TMEM132D: variants seen among roughly 807,000 people sequenced by gnomAD.
TMEM132D encodes the protein mature OL transmembrane protein.
In TMEM132D, 21 loss-of-function variants were observed where a neutral mutation model predicts 62.3. That is an observed-to-expected ratio of 0.34 (90% confidence interval 0.24 to 0.49). TMEM132D has a LOEUF of 0.49. Among genes scored for constraint, TMEM132D ranks in the 20% least tolerant of loss-of-function variants. The pLI, the probability that TMEM132D is intolerant of heterozygous loss-of-function variation, is 0.99. For synonymous variants in TMEM132D, 621 were observed against 575.6 expected, an observed-to-expected ratio of 1.08 and a Z score of -1.13; for missense variants, 1,346 against 1,402.8, an observed-to-expected ratio of 0.96 and a Z score of 0.65.
intron 1 of TMEM132D, among the ~76,000 whole-genome samples, chr12:129,862,306 C>A (rs1873924196): frequency 6.6e-6 from 1 of 152,200 alleles, no homozygotes; most frequent in Admixed American, 6.5e-5. Context: ...CAGGTGGAAA[C>A]CTCAAACTTC....
chr12:129,275,166 G>A (rs1255309517), intron 4 of TMEM132D, among the ~76,000 whole-genome samples: 3 of 151,974 alleles, frequency 2.0e-5, no homozygotes, highest in African/African-American at 7.3e-5. Flanking sequence ...TGTAACCCCA[G>A]CTAATTGGGA....
rs189959426 is a variant in TMEM132D at position 129,385,669 on chromosome 12, A to C, written c.1116-47852T>G. ...TCTGTGTTCTGACAAGAGAGTAAGG[A>C]GATAAGATTAACTGCTAAAAATGTC... On this transcript the variant is annotated intron_variant, in intron 3 of 8. Transcript: ENST00000422113. Among the ~76,000 whole-genome samples, 272 of 152,346 alleles carry C rather than the reference A, an allele frequency of 1.8e-3. 1 individual carries two copies. The highest frequency in any genetic ancestry group is 6.2e-3 in the African/African-American group (258 of 41,582).
At chr12:129,769,765 T>A (rs1322369178) in intron 1 of TMEM132D, among the ~76,000 whole-genome samples, 1 of 152,172 alleles carries the variant, frequency 6.6e-6, no homozygotes, top group African/African-American at 2.4e-5. Context: ...TTTTTGAATC[T>A]ATTAAGGGGT....
chr12:129,877,415 G>A (rs1413560773), intron 1 of TMEM132D, among the ~76,000 whole-genome samples: 2 of 152,042 alleles, frequency 1.3e-5, no homozygotes, highest in African/African-American at 2.4e-5. Flanking sequence ...AAGGGCCGCT[G>A]GCTAGCAGAA....
At chr12:129,758,157 G>A (rs768723592) in intron 1 of TMEM132D, among the ~76,000 whole-genome samples, 30 of 152,020 alleles carry the variant, frequency 2.0e-4, no homozygotes, top group South Asian at 4.2e-4. Context: ...CTCCTGCCTC[G>A]GCTTCCCAAA....
At chr12:129,178,381 C>T (rs1877967028) in intron 5 of TMEM132D, among the ~76,000 whole-genome samples, 1 of 152,024 alleles carries the variant, frequency 6.6e-6, no homozygotes, top group Non-Finnish European at 1.5e-5. Context: ...AATTTACACT[C>T]CCACCAACAA....
In TMEM132D at chr12:129,140,207, G is replaced by A. The variant is rs563758207; in HGVS notation, c.1444-55505C>T. Among the ~76,000 whole-genome samples the A allele has an allele frequency of 2.5e-4, 23 of 92,100 alleles. No individual in the cohort carries two copies. In the South Asian group the frequency reaches 5.5e-3, roughly 22 times the overall value. The allele number at this position is 92,100 out of a possible 152,430, so 60.4% of individuals were successfully genotyped here. A position where few individuals can be genotyped will look rare whatever the true frequency, so the allele number is the denominator to read the frequency against. The stretch of plus-strand genomic sequence containing the variant: ...AAATTTATCAAGGGAGATTTTAGGC[G>A]CTGTTACCACACACACACACACACA... On this transcript the variant is annotated intron_variant, in intron 5 of 8. Transcript: ENST00000422113.
chr12:129,655,134 A>T (rs1880039469), intron 2 of TMEM132D, among the ~76,000 whole-genome samples: 1 of 151,772 alleles, frequency 6.6e-6, no homozygotes, highest in Non-Finnish European at 1.5e-5. Context: ...TTTTTAGTAG[A>T]GATGGGGTTT....
rs1874102522 is a variant in TMEM132D at position 129,867,721 on chromosome 12, C to T, written c.79+35540G>A. On this transcript the variant is annotated intron_variant, in intron 1 of 8. Coordinates refer to ENST00000422113, the MANE Select transcript of TMEM132D (RefSeq NM_133448.3). The surrounding 1 kb of genome is among the most constrained non-coding windows in gnomAD (Gnocchi z 4.5). Reference sequence around the variant, plus strand: ...ACATACAGCAAATCATCAAATTGTACATCTTCAATAGATACAATTTTTGTC... The same window carrying T: ...ACATACAGCAAATCATCAAATTGTATATCTTCAATAGATACAATTTTTGTC... 6.6e-6 allele frequency among the ~76,000 whole-genome samples: 1 copy of T among 152,196 alleles called. No homozygotes were observed. The highest frequency in any genetic ancestry group is 2.4e-5 in the African/African-American group (1 of 41,448).
chr12:129,868,573 A>G (rs183170993), intron 1 of TMEM132D, among the ~76,000 whole-genome samples: 14 of 152,214 alleles, frequency 9.2e-5, no homozygotes, highest in Admixed American at 3.3e-4. Context: ...CATCTGCACA[A>G]TTTCATGCAG....
At chr12:129,720,999 G>A (rs7962736) in intron 1 of TMEM132D, among the ~76,000 whole-genome samples, 1 of 152,026 alleles carries the variant, frequency 6.6e-6, no homozygotes, top group African/African-American at 2.4e-5. Context: ...CACTGCAGGG[G>A]AAGATGGGGC....
chr12:129,344,890 G>A (rs953681591), intron 3 of TMEM132D, among the ~76,000 whole-genome samples: 15 of 152,014 alleles, frequency 9.9e-5, no homozygotes, highest in African/African-American at 3.6e-4. Context: ...TGCTGATTGA[G>A]ATTTGGTATT....
intron 4 of TMEM132D, among the ~76,000 whole-genome samples, chr12:129,276,617 G>A (rs1369602247): frequency 6.6e-6 from 1 of 152,184 alleles, no homozygotes; most frequent in Non-Finnish European, 1.5e-5. Flanking sequence ...CTTCATGGAG[G>A]TGGCTTTTTG....
Position 129,398,129 on chromosome 12 carries a change from C to T in TMEM132D, c.1116-60312G>A, listed in dbSNP as rs118075065. 2.8e-4 allele frequency among the ~76,000 whole-genome samples: 43 copies of T among 152,340 alleles called. 1 individual carries two copies. In the East Asian group the frequency reaches 6.0e-3, roughly 21 times the overall value. On this transcript the variant is annotated intron_variant, in intron 3 of 8. Coordinates refer to ENST00000422113, the MANE Select transcript of TMEM132D (RefSeq NM_133448.3). Reference sequence around the variant, plus strand: ...ACGTTTGTGGGCAAACTGATATAAACTCTGCCCACCTCTGACACTTTTGGC... The same window carrying T: ...ACGTTTGTGGGCAAACTGATATAAATTCTGCCCACCTCTGACACTTTTGGC...
intron 3 of TMEM132D, among the ~76,000 whole-genome samples, chr12:129,464,787 T>C (rs902823876): frequency 3.4e-4 from 51 of 152,186 alleles, no homozygotes; most frequent in African/African-American, 1.1e-3. Flanking sequence ...GTTGTAGATA[T>C]GCGGCGTTAT....
intron 3 of TMEM132D, among the ~76,000 whole-genome samples, chr12:129,357,246 C>CA (rs751595186): frequency 0.2 from 18,484 of 90,830 alleles, 1,528 homozygotes; most frequent in Non-Finnish European, 0.26. Context: ...GACCGTGTCT[C>CA]AAAAAAAAAA....
intron 3 of TMEM132D, among the ~76,000 whole-genome samples, chr12:129,346,679 A>G (rs542683449): frequency 6.6e-6 from 1 of 152,328 alleles, no homozygotes; most frequent in East Asian, 1.9e-4. Flanking sequence ...CACCACTCCT[A>G]TTCAACACAG....
chr12:129,826,222 C>A (rs1872660277), intron 1 of TMEM132D, among the ~76,000 whole-genome samples: 1 of 152,186 alleles, frequency 6.6e-6, no homozygotes, highest in Admixed American at 6.5e-5. Flanking sequence ...GGCCAGGATA[C>A]AGCCTCCATC....
Position 129,749,551 on chromosome 12 carries a change from C to G in TMEM132D, c.80-48853G>C, listed in dbSNP as rs932058239. Among the ~76,000 whole-genome samples, 3 of 151,356 alleles carry G rather than the reference C, an allele frequency of 2.0e-5. No individual in the cohort carries two copies. In the East Asian group the frequency reaches 5.9e-4, roughly 30 times the overall value. ...AGCTCACTGCAACCTCCACCTCCCA[C>G]GTTCAAGCAATTCTCCTGCCTCAGC... On this transcript the variant is annotated intron_variant, in intron 1 of 8. Transcript: ENST00000422113.
Sources: gnomAD v4.1 joint callset for allele counts (sites outside exome capture counted in the v4.1 genomes callset) on GRCh38, gnomAD v4.1.1 for gene constraint, Gnocchi (gnomAD v3.1) non-coding constraint, MANE v1.5 for transcripts, NCBI Gene and HGNC (gene_info 2026-07-23, HGNC 2026-07-21) for gene names.